The following ADGRL3 variants were observed in gnomAD, a reference collection of about 807,000 sequenced individuals.
The protein encoded by ADGRL3 is calcium-independent alpha-latrotoxin receptor 3.
In ADGRL3, 62 loss-of-function variants were observed where a neutral mutation model predicts 153.5. That is an observed-to-expected ratio of 0.40 (90% confidence interval 0.33 to 0.50). The LOEUF (loss-of-function observed/expected upper bound fraction) is 0.50. ADGRL3 is among the 20% of genes least tolerant of loss of function. The pLI is 0.47. For missense variants in ADGRL3, 1,641 were observed against 1,859.4 expected (o/e 0.88, Z 2.16); for synonymous variants, 710 against 672.5 (o/e 1.06, Z -0.86).
chr4:61,406,190 A>C (rs539996057), intron 2 of ADGRL3, among the ~76,000 whole-genome samples: 30 of 152,064 alleles, frequency 2.0e-4, no homozygotes, highest in African/African-American at 7.0e-4. Flanking sequence ...TGAGGATAAA[A>C]AAAAAAATTG....
chr4:61,338,040 G>A (rs6825441), intron 1 of ADGRL3, among the ~76,000 whole-genome samples: 74,108 of 151,882 alleles, frequency 0.49, 19,745 homozygotes, highest in East Asian at 0.68. Flanking sequence ...GGAGGCAGAC[G>A]GATCACTTCA....
chr4:61,848,428 A>G (rs73823262), intron 9 of ADGRL3, among the ~76,000 whole-genome samples: 26,557 of 151,448 alleles, frequency 0.18, 3,040 homozygotes, highest in African/African-American at 0.33. Context: ...TGTCTTCACA[A>G]GTCCCTCTTT....
intron 5 of ADGRL3, among the ~76,000 whole-genome samples, chr4:61,643,856 A>T (rs2093817484): frequency 6.8e-6 from 1 of 147,924 alleles, no homozygotes; most frequent in Non-Finnish European, 1.5e-5. Flanking sequence ...ATAGTTTCAG[A>T]AGGCATGGTA....
intron 9 of ADGRL3, among the ~76,000 whole-genome samples, chr4:61,847,091 G>A (rs1490511129): frequency 6.6e-6 from 1 of 151,594 alleles, no homozygotes. Context: ...TTTGGATGGG[G>A]ACAAATATCC....
intron 9 of ADGRL3, among the ~76,000 whole-genome samples, chr4:61,839,556 G>A (rs2097994264): frequency 6.6e-6 from 1 of 151,498 alleles, no homozygotes; most frequent in South Asian, 2.1e-4. Context: ...TGTTGTTATT[G>A]TTGTTGTTTT....
chr4:61,867,330 C>T (rs964494068), intron 9 of ADGRL3, among the ~76,000 whole-genome samples: 2 of 150,976 alleles, frequency 1.3e-5, no homozygotes, highest in Admixed American at 1.3e-4. Flanking sequence ...GAAACCCTGT[C>T]TCTACAAAAA....
At chr4:61,423,254 AC>A (rs930324287) in intron 2 of ADGRL3, among the ~76,000 whole-genome samples, 2 of 152,208 alleles carry the variant, frequency 1.3e-5, no homozygotes, top group Non-Finnish European at 2.9e-5. Flanking sequence ...AAATGAAACA[AC>A]CAGAAAACGT....
intron 1 of ADGRL3, among the ~76,000 whole-genome samples, chr4:61,257,513 A>T (rs2092083513): frequency 1.3e-5 from 2 of 152,184 alleles, no homozygotes; most frequent in Admixed American, 6.5e-5. Flanking sequence ...GTCCATAGAC[A>T]AGATGTGTAT....
chr4:61,274,630 T>G (rs2093373571), intron 1 of ADGRL3, among the ~76,000 whole-genome samples: 1 of 152,114 alleles, frequency 6.6e-6, no homozygotes, highest in Non-Finnish European at 1.5e-5. Flanking sequence ...TCAGGGACAG[T>G]GTGCTGGTTA....
At chr4:61,960,919 A>G (rs1443234243) in intron 17 of ADGRL3, among the ~76,000 whole-genome samples, 1 of 152,104 alleles carries the variant, frequency 6.6e-6, no homozygotes, top group Non-Finnish European at 1.5e-5. Flanking sequence ...CATTTTGGCC[A>G]GGAGGGTTTC....
chr4:61,689,240 C>T (rs1383933914), intron 6 of ADGRL3, among the ~76,000 whole-genome samples: 2 of 152,074 alleles, frequency 1.3e-5, no homozygotes, highest in Non-Finnish European at 1.5e-5. Context: ...CAGCTCTCCT[C>T]ATATATAACA....
At chr4:61,341,933 T>C (rs1327363160) in intron 1 of ADGRL3, among the ~76,000 whole-genome samples, 2 of 152,190 alleles carry the variant, frequency 1.3e-5, no homozygotes, top group Non-Finnish European at 2.9e-5. Context: ...GCCAAAATAC[T>C]CTAAAATGTA....
At chr4:61,371,480 T>G (rs2151728149) in intron 1 of ADGRL3, among the ~76,000 whole-genome samples, 1 of 151,866 alleles carries the variant, frequency 6.6e-6, no homozygotes, top group East Asian at 1.9e-4. Context: ...TATTTCTCCT[T>G]CACTTATGAA....
intron 22 of ADGRL3, 124 bp downstream of exon 22, chr4:62,029,005 T>G (rs1390995283): frequency 1.3e-6 from 1 of 776,542 alleles, no homozygotes; most frequent in Admixed American, 3.0e-5. Context: ...AAGAGCAAAC[T>G]GTGCAGGAAA....
chr4:62,051,155 C>CGT (rs71991802), intron 25 of ADGRL3, among the ~76,000 whole-genome samples: 91 of 68,452 alleles, frequency 1.3e-3, no homozygotes, highest in South Asian at 2.8e-3. Context: ...ACACAAAGAA[C>CGT]GTGTGTGTGT....
intron 4 of ADGRL3, among the ~76,000 whole-genome samples, chr4:61,580,174 C>G (rs543865265): frequency 6.0e-5 from 9 of 149,182 alleles, no homozygotes; most frequent in South Asian, 4.2e-4. Context: ...GTAAGAAACT[C>G]TTTTAGAATC....
intron 4 of ADGRL3, among the ~76,000 whole-genome samples, chr4:61,556,853 C>T (rs1381257827): frequency 6.6e-6 from 1 of 152,154 alleles, no homozygotes; most frequent in Admixed American, 6.5e-5. Context: ...CCAGTTTTTA[C>T]AGTGTGTTAA....
chr4:62,036,709 G>A (rs529771665), intron 23 of ADGRL3, among the ~76,000 whole-genome samples: 265 of 152,012 alleles, frequency 1.7e-3, no homozygotes, highest in African/African-American at 6.2e-3. Flanking sequence ...TAAGTTGTGG[G>A]AAAAAATGCA....
chr4:61,860,650 A>C (rs770242139), intron 9 of ADGRL3, among the ~76,000 whole-genome samples: 1 of 152,084 alleles, frequency 6.6e-6, no homozygotes. Context: ...CCAGAGTGTC[A>C]TGGCTAAGTT....
Sources: allele counts gnomAD v4.1 joint callset (sites outside exome capture counted in the v4.1 genomes callset), GRCh38; gene constraint gnomAD v4.1.1; transcripts MANE v1.5; gene names NCBI Gene and HGNC (gene_info 2026-07-23, HGNC 2026-07-21).